Variants in ZNF407 observed in about 807,000 individuals in gnomAD.
ZNF407 encodes zinc finger protein 407.
ZNF407 carries 17 observed loss-of-function variants against 131.2 expected under a neutral mutation model. The observed-to-expected ratio is 0.13, with a 90% CI of 0.09 to 0.19. The LOEUF is 0.19. ZNF407 is among the 10% of genes least tolerant of loss of function. ZNF407 has a pLI of 1.00. For missense variants in ZNF407, 2,681 were observed against 2,830.6 expected (o/e 0.95, Z 1.20); for synonymous variants, 1,156 against 1,062.0 (o/e 1.09, Z -1.72).
intron 1 of ZNF407, among the ~76,000 whole-genome samples, chr18:74,607,116 G>T (rs1004445429): frequency 6.6e-6 from 1 of 152,206 alleles, no homozygotes; most frequent in Non-Finnish European, 1.5e-5. Context: ...TTAGAAGCAG[G>T]CCTCTTGATT....
At chr18:74,622,517 C>G (rs916714318) in intron 1 of ZNF407, among the ~76,000 whole-genome samples, 1 of 152,152 alleles carries the variant, frequency 6.6e-6, no homozygotes, top group Non-Finnish European at 1.5e-5. Flanking sequence ...TTGTACTCCC[C>G]AAAGAGAAAG....
chr18:74,864,597 A>G (rs930929846), intron 4 of ZNF407, among the ~76,000 whole-genome samples: 1 of 152,184 alleles, frequency 6.6e-6, no homozygotes, highest in African/African-American at 2.4e-5. Flanking sequence ...ACATTTCTTA[A>G]TCCATAATTT....
intron 8 of ZNF407, among the ~76,000 whole-genome samples, chr18:74,924,399 T>A (rs569517878): frequency 6.6e-6 from 1 of 152,204 alleles, no homozygotes; most frequent in African/African-American, 2.4e-5. Flanking sequence ...AGGTCTAATA[T>A]GATGAGATTT....
At position 74,634,916 on chromosome 18, in the gene ZNF407, A is replaced by T; in HGVS notation, c.3897A>T (p.Glu1299Asp). 6.2e-7 allele frequency: 1 copy of T among 1,613,916 alleles called. No homozygotes were observed. Among genetic ancestry groups the T allele is most frequent in the Non-Finnish European group, 8.5e-7 (1 of 1,179,834 alleles). The stretch of plus-strand genomic sequence containing the variant: ...TGGAAGACTTGAAAGGTGTCCAAGA[A>T]GATCCCGTTCTGGGGAATAAGGAAA... ...HGLEDLKGVQ[E>D]DPVLGNKEIL... Residue 1299 changes from glutamate (E) to aspartate (D), a missense_variant, in exon 2 of 9, where the codon GAA (glutamate) becomes GAT (aspartate). Around this residue, in one of 6 missense-constraint regions of ZNF407, gnomAD observed 1,789 missense variants for 1,748.7 expected, o/e 1.02. Transcript: ENST00000299687.
intron 4 of ZNF407, among the ~76,000 whole-genome samples, chr18:74,830,569 G>A (rs1330394065): frequency 1.3e-5 from 2 of 152,208 alleles, no homozygotes; most frequent in Admixed American, 1.3e-4. Flanking sequence ...GATTGCCACT[G>A]CACCTAGCCA....
intron 4 of ZNF407, among the ~76,000 whole-genome samples, chr18:74,796,679 T>TGA (rs1491321476): frequency 6.6e-6 from 1 of 152,138 alleles, no homozygotes; most frequent in East Asian, 1.9e-4. Flanking sequence ...ACTCCCAAAT[T>TGA]GTTTTTAAAT....
At chr18:74,702,622 C>T (rs1362832486) in intron 3 of ZNF407, among the ~76,000 whole-genome samples, 1 of 151,898 alleles carries the variant, frequency 6.6e-6, no homozygotes, top group African/African-American at 2.4e-5. Flanking sequence ...TGCATTGTTT[C>T]CAGTGCATGT....
intron 3 of ZNF407, among the ~76,000 whole-genome samples, chr18:74,768,635 G>T (rs765284174): frequency 6.6e-6 from 1 of 152,036 alleles, no homozygotes; most frequent in Non-Finnish European, 1.5e-5. Context: ...TTTTACTCTA[G>T]ACTTCTGTAT....
chr18:74,920,488 A>G, intron 7 of ZNF407, 26 bp from the exon 8 acceptor site: 1 of 1,549,362 alleles, frequency 6.5e-7, no homozygotes, highest in Non-Finnish European at 8.8e-7. Context: ...CCTTAATTAG[A>G]TTTACTTTTC....
intron 7 of ZNF407, among the ~76,000 whole-genome samples, chr18:74,919,500 G>A (rs561319365): frequency 1.3e-5 from 2 of 152,154 alleles, no homozygotes; most frequent in South Asian, 4.1e-4. Context: ...CAGGATTTTT[G>A]TTATTCCACA....
chr18:74,732,013 G>C (rs1176472390), intron 3 of ZNF407, among the ~76,000 whole-genome samples: 1 of 152,118 alleles, frequency 6.6e-6, no homozygotes, highest in Admixed American at 6.6e-5. Flanking sequence ...GCCTCAGAGA[G>C]GTAAAGAGAC....
chr18:74,618,988 T>C lies in ZNF407; in HGVS notation c.-53-11979T>C, dbSNP rs995700329. Reference sequence around the variant, plus strand: ...TCAGATTTTGTCCAAAATTAGTAGTTTTTGTCTTTTATCCCCTGCAGTTCT... The same window carrying C: ...TCAGATTTTGTCCAAAATTAGTAGTCTTTGTCTTTTATCCCCTGCAGTTCT... On this transcript the variant is annotated intron_variant, in intron 1 of 8. Transcript: ENST00000299687. Among the ~76,000 whole-genome samples the C allele has an allele frequency of 2.1e-3, 313 of 152,344 alleles. 2 individuals carry two copies. Among genetic ancestry groups the C allele is most frequent in the African/African-American group, 7.0e-3 (293 of 41,578 alleles).
At chr18:74,670,752 G>A (rs541733295) in intron 3 of ZNF407, among the ~76,000 whole-genome samples, 8 of 152,192 alleles carry the variant, frequency 5.3e-5, no homozygotes, top group African/African-American at 1.2e-4. Flanking sequence ...ATCATAGCTC[G>A]CTGCAGCCTT....
At chr18:74,694,028 G>A (rs1005738292) in intron 3 of ZNF407, among the ~76,000 whole-genome samples, 11 of 152,244 alleles carry the variant, frequency 7.2e-5, no homozygotes, top group Middle Eastern at 3.4e-3. Flanking sequence ...GTTGACTAAA[G>A]TATACTCTTG....
chr18:74,744,033 A>T (rs1242625119), intron 3 of ZNF407, among the ~76,000 whole-genome samples: 1 of 152,184 alleles, frequency 6.6e-6, no homozygotes, highest in Non-Finnish European at 1.5e-5. Context: ...CCTTTTGATT[A>T]GTTGATTCCA....
At chr18:74,714,553 A>G (rs1967845733) in intron 3 of ZNF407, among the ~76,000 whole-genome samples, 1 of 152,182 alleles carries the variant, frequency 6.6e-6, no homozygotes, top group African/African-American at 2.4e-5. Context: ...GTACTTGTTA[A>G]TATCTTCCTT....
chr18:74,886,397 C>A (rs1458842201), intron 6 of ZNF407, among the ~76,000 whole-genome samples: 3 of 148,188 alleles, frequency 2.0e-5, no homozygotes, highest in African/African-American at 7.5e-5. Flanking sequence ...ATATGCCTAT[C>A]ATACTCCAGG....
chr18:74,788,183 A>G (rs530608408), intron 4 of ZNF407, among the ~76,000 whole-genome samples: 2 of 152,114 alleles, frequency 1.3e-5, no homozygotes, highest in Non-Finnish European at 2.9e-5. Flanking sequence ...GGGAAGTCCC[A>G]TTTTATGTCC....
intron 4 of ZNF407, among the ~76,000 whole-genome samples, chr18:74,843,777 T>C (rs1970665277): frequency 6.6e-6 from 1 of 152,178 alleles, no homozygotes; most frequent in South Asian, 2.1e-4. Flanking sequence ...AGATCTTACC[T>C]TACAGCATAA....
Sources: allele counts gnomAD v4.1 joint callset (sites outside exome capture counted in the v4.1 genomes callset), GRCh38; gene constraint gnomAD v4.1.1; regional missense constraint gnomAD v4.1.1; transcripts MANE v1.5; gene names NCBI Gene and HGNC (gene_info 2026-07-23, HGNC 2026-07-21).